The following PCDHGB4 variants were observed in gnomAD, a reference collection of about 807,000 sequenced individuals.
PCDHGB4 encodes the protein protocadherin gamma-B4.
In PCDHGB4, 38 loss-of-function variants were observed where a neutral mutation model predicts 60.5. The observed-to-expected ratio is 0.63, with a 90% CI of 0.48 to 0.82. PCDHGB4 has a LOEUF of 0.82. Among genes scored for constraint, PCDHGB4 ranks in the 40% least tolerant of loss-of-function variants. PCDHGB4 has a pLI of 0.00. For synonymous variants in PCDHGB4, 456 were observed against 509.7 expected (o/e 0.89, Z 1.42); for missense variants, 1,109 against 1,209.6 (o/e 0.92, Z 1.23).
intron 1 of PCDHGB4, chr5:141,402,878 G>A: frequency 1.4e-6 from 2 of 1,471,050 alleles, no homozygotes; most frequent in Non-Finnish European, 1.8e-6. Context: ...ACCATACTTT[G>A]CAGGGTGGAA....
intron 1 of PCDHGB4, among the ~76,000 whole-genome samples, chr5:141,438,655 T>G (rs1436221152): frequency 7.1e-6 from 1 of 140,042 alleles, no homozygotes; most frequent in East Asian, 2.1e-4. Flanking sequence ...CACACACATA[T>G]ATGTATATAT....
intron 1 of PCDHGB4, chr5:141,422,940 C>T (rs769630623): frequency 2.0e-5 from 32 of 1,614,124 alleles, no homozygotes; most frequent in Admixed American, 5.0e-5. Flanking sequence ...TCCCCACAGA[C>T]GGCTCCACTG....
chr5:141,438,623 TATATATATATATACACAC>T (rs1435936123), intron 1 of PCDHGB4, among the ~76,000 whole-genome samples: 532 of 42,826 alleles, frequency 0.012, 5 homozygotes, highest in African/African-American at 0.075. Flanking sequence ...TATATATATA[TATATATATATATACACAC>T]ACACACACAC....
chr5:141,392,915 T>A, intron 1 of PCDHGB4: 2 of 1,613,920 alleles, frequency 1.2e-6, no homozygotes, highest in Non-Finnish European at 1.7e-6. Flanking sequence ...TTCGCTACTC[T>A]GTGCCAGAAG....
chr5:141,402,714 T>G (rs1024254405), intron 1 of PCDHGB4, among the ~76,000 whole-genome samples: 2 of 152,220 alleles, frequency 1.3e-5, no homozygotes, highest in African/African-American at 4.8e-5. Flanking sequence ...TAGTAACGGC[T>G]TAGGACTCTG....
intron 1 of PCDHGB4, chr5:141,415,317 G>T (rs778236674): frequency 6.2e-7 from 1 of 1,614,218 alleles, no homozygotes; most frequent in Non-Finnish European, 8.5e-7. Flanking sequence ...TCGTCATCGT[G>T]CTGCTGGCGC....
chr5:141,413,575 G>A lies in PCDHGB4; in HGVS notation c.2397+23294G>A, dbSNP rs762938003. The stretch of plus-strand genomic sequence containing the variant: ...AGAAGTAACTGATATCAATGACAAT[G>A]CTCCAAAATTCCAAGCAGAAAATCT... On this transcript the variant is annotated intron_variant, in intron 1 of 3. Transcript: ENST00000519479. 4.3e-6 allele frequency: 7 copies of A among 1,613,886 alleles called. No individual in the cohort carries two copies. In the South Asian group the frequency reaches 6.6e-5, roughly 15 times the overall value.
intron 3 of PCDHGB4, among the ~76,000 whole-genome samples, chr5:141,509,440 C>T (rs1036780108): frequency 2.0e-5 from 3 of 152,158 alleles, no homozygotes; most frequent in Non-Finnish European, 4.4e-5. Flanking sequence ...CTTGTTTCCT[C>T]CTCTCCCACC....
chr5:141,420,840 T>A (rs2096528017), intron 1 of PCDHGB4, among the ~76,000 whole-genome samples: 1 of 152,250 alleles, frequency 6.6e-6, no homozygotes, highest in African/African-American at 2.4e-5. Flanking sequence ...TCGCAGGTGT[T>A]CTTGGTAAAG....
At chr5:141,400,404 GT>G (rs2094016313) in intron 1 of PCDHGB4, 1 of 1,613,948 alleles carries the variant, frequency 6.2e-7, no homozygotes, top group South Asian at 1.1e-5. Flanking sequence ...GAAAGACGGA[GT>G]TTAATTTCCT....
At chr5:141,421,306 T>C (rs1356157966) in intron 1 of PCDHGB4, 1 of 1,613,564 alleles carries the variant, frequency 6.2e-7, no homozygotes, top group South Asian at 1.1e-5. Context: ...GCTGCGGGGG[T>C]TCCGGGCCAG....
chr5:141,400,734 G>A, intron 1 of PCDHGB4: 1 of 634,548 alleles, frequency 1.6e-6, no homozygotes, highest in Non-Finnish European at 2.7e-6. Flanking sequence ...AAAGTAGTGA[G>A]AGTTTGCTCT....
Position 141,509,375 on chromosome 5 carries a change from T to C in PCDHGB4, c.2546-1572T>C, listed in dbSNP as rs1450730489. Among the ~76,000 whole-genome samples, 6 of 152,168 alleles carry C rather than the reference T, an allele frequency of 3.9e-5. No homozygotes were observed. In the East Asian group the frequency reaches 1.2e-3, roughly 29 times the overall value. On this transcript the variant is annotated intron_variant, in intron 3 of 3. Coordinates refer to ENST00000519479, the MANE Select transcript of PCDHGB4 (RefSeq NM_003736.4). ...GGGCATCCCTGAGGTTTTAACTGTC[T>C]CCTAACCACAGAGGATCTCAGGGCC...
At chr5:141,392,922 G>A (rs2092629176) in intron 1 of PCDHGB4, 1 of 1,613,946 alleles carries the variant, frequency 6.2e-7, no homozygotes, top group African/African-American at 1.3e-5. Context: ...CTCTGTGCCA[G>A]AAGAGACGGA....
intron 1 of PCDHGB4, among the ~76,000 whole-genome samples, chr5:141,463,438 C>CTTTTTTTTT (rs71576115): frequency 4.8e-5 from 5 of 103,252 alleles, no homozygotes; most frequent in African/African-American, 2.2e-4. Context: ...TTTCCTTCTC[C>CTTTTTTTTT]TTTTTTTTTT....
chr5:141,395,961 G>C (rs1016569431), intron 1 of PCDHGB4: 1 of 151,956 alleles, frequency 6.6e-6, no homozygotes, highest in Non-Finnish European at 1.5e-5. Flanking sequence ...AAAAACAAAA[G>C]CAAAAACATT....
chr5:141,459,486 G>A (rs764885682), intron 1 of PCDHGB4, among the ~76,000 whole-genome samples: 8 of 152,154 alleles, frequency 5.3e-5, no homozygotes, highest in Admixed American at 3.9e-4. Context: ...GTGCTATTCT[G>A]AATTAAAGTG....
intron 1 of PCDHGB4, among the ~76,000 whole-genome samples, chr5:141,442,926 T>C (rs2098353621): frequency 6.6e-6 from 1 of 152,240 alleles, no homozygotes; most frequent in African/African-American, 2.4e-5. Flanking sequence ...TGTTTCATTT[T>C]CTATTTAAGA....
At chr5:141,405,145 G>T (rs772542898) in intron 1 of PCDHGB4, 1 of 1,614,070 alleles carries the variant, frequency 6.2e-7, no homozygotes, top group Non-Finnish European at 8.5e-7. Context: ...CCAGTGATGG[G>T]TTGGCTGGTG....
Sources: gnomAD v4.1 joint callset for allele counts (sites outside exome capture counted in the v4.1 genomes callset) on GRCh38, gnomAD v4.1.1 for gene constraint, MANE v1.5 for transcripts, NCBI Gene and HGNC (gene_info 2026-07-23, HGNC 2026-07-21) for gene names.